MCEE: variants seen among roughly 807,000 people sequenced by gnomAD.
MCEE encodes the protein methylmalonyl-CoA epimerase, mitochondrial.
Under a neutral mutation model 12.9 loss-of-function variants are expected in MCEE, and 6 were observed. The ratio of observed to expected loss-of-function variants is 0.47; its 90% CI spans 0.26 to 0.92. The LOEUF is 0.92. Ranked by LOEUF, MCEE falls within the 40% of genes least tolerant of loss-of-function variation. The probability of loss-of-function intolerance (pLI) is 0.16; values close to 1 mark genes in which losing one functional copy is unlikely to be tolerated. For missense variants in MCEE, 214 were observed against 212.1 expected (o/e 1.01, Z -0.05); for synonymous variants, 78 against 77.9 (o/e 1.00, Z -0.01).
rs979148195 is a variant in MCEE, at chr2:71,119,998, C to A, written c.378+4208G>T. The stretch of plus-strand genomic sequence containing the variant: ...AGCTCAGGAGTTCCAGGTTGCAGTG[C>A]GTAATGATTGTGCCACTGCACTCCA... On this transcript the variant is annotated intron_variant, in intron 2 of 2. Transcript: ENST00000244217. 4.7e-5 allele frequency among the ~76,000 whole-genome samples: 7 copies of A among 149,308 alleles called. 2 individuals carry two copies. The highest frequency in any genetic ancestry group is 1.9e-4 in the East Asian group (1 of 5,168).
chr2:71,120,592 T>G (rs1185374665), intron 2 of MCEE, among the ~76,000 whole-genome samples: 1 of 150,444 alleles, frequency 6.6e-6, no homozygotes, highest in African/African-American at 2.5e-5. Context: ...AAGGAACATT[T>G]CGTCAAGTGA....
At chr2:71,112,168 A>G (rs1672898251) in intron 2 of MCEE, among the ~76,000 whole-genome samples, 1 of 152,016 alleles carries the variant, frequency 6.6e-6, no homozygotes, top group South Asian at 2.1e-4. Flanking sequence ...ACAGAGTCTC[A>G]CTCTGTCACC....
intron 2 of MCEE, among the ~76,000 whole-genome samples, chr2:71,118,652 A>C (rs1673041461): frequency 6.7e-6 from 1 of 149,786 alleles, no homozygotes; most frequent in East Asian, 1.9e-4. Context: ...CTCTTTTATA[A>C]GGACACTAAT....
At chr2:71,113,835 A>C (rs1034968195) in intron 2 of MCEE, among the ~76,000 whole-genome samples, 2 of 152,190 alleles carry the variant, frequency 1.3e-5, no homozygotes, top group Non-Finnish European at 2.9e-5. Context: ...AAACCTGACA[A>C]CACCTCCTCA....
intron 2 of MCEE, among the ~76,000 whole-genome samples, chr2:71,111,498 A>G (rs1395551784): frequency 6.6e-6 from 1 of 152,096 alleles, no homozygotes; most frequent in Non-Finnish European, 1.5e-5. Context: ...ACTCTTCCCA[A>G]TGTTACGGAA....
At position 71,124,509 on chromosome 2, in the gene MCEE, T is replaced by G. The variant is rs1186227204; in HGVS notation, c.75A>C (p.Thr25=). ...GCTGTGATGTGGAAGAAGCTCTTAC[T>G]GTTGGAATGGGAGCTTGAAGTCTGG... ...LFSRLQAPIP[T]VRASSTSQPL... is the part of the protein sequence containing the mutation. The change falls in exon 2 of 3, where the codon ACA becomes ACC. Residue 25 remains threonine, a synonymous_variant. Transcript: ENST00000244217. The G allele has an allele frequency of 6.2e-7, 1 of 1,613,946 alleles. No homozygotes were observed. The highest frequency in any genetic ancestry group is 8.5e-7 in the Non-Finnish European group (1 of 1,180,036).
At chr2:71,111,516 T>C (rs1379652255) in intron 2 of MCEE, among the ~76,000 whole-genome samples, 2 of 152,216 alleles carry the variant, frequency 1.3e-5, no homozygotes, top group South Asian at 2.1e-4. Context: ...GAAATTACTA[T>C]GACTAGTAAG....
chr2:71,119,502 A>G (rs2103628750), intron 2 of MCEE, among the ~76,000 whole-genome samples: 1 of 149,984 alleles, frequency 6.7e-6, no homozygotes, highest in Admixed American at 6.6e-5. Flanking sequence ...ATCATCCCTT[A>G]TATTTCCTCT....
intron 2 of MCEE, among the ~76,000 whole-genome samples, chr2:71,115,433 TTC>T (rs1672972223): frequency 7.1e-6 from 1 of 140,634 alleles, no homozygotes; most frequent in South Asian, 2.1e-4. Flanking sequence ...CTACTTCTAC[TTC>T]TGTTACTATT....
At chr2:71,115,974 G>T (rs1347992799) in intron 2 of MCEE, among the ~76,000 whole-genome samples, 1 of 150,084 alleles carries the variant, frequency 6.7e-6, no homozygotes, top group Non-Finnish European at 1.5e-5. Flanking sequence ...TTAAAAAAGG[G>T]GGGGGTTATG....
intron 2 of MCEE, chr2:71,110,834 AAAGTC>A (rs1316107621): frequency 6.6e-6 from 1 of 152,176 alleles, no homozygotes; most frequent in Non-Finnish European, 1.5e-5. Context: ...TCTATCTTGG[AAAGTC>A]ACCCACTTAG....
chr2:71,113,205 T>C (rs1233064183), intron 2 of MCEE, among the ~76,000 whole-genome samples: 5 of 152,210 alleles, frequency 3.3e-5, no homozygotes, highest in Non-Finnish European at 7.3e-5. Flanking sequence ...GGATTAGAGC[T>C]GGAGACGTCA....
intron 2 of MCEE, among the ~76,000 whole-genome samples, chr2:71,113,772 C>T (rs1235014148): frequency 6.6e-6 from 1 of 152,114 alleles, no homozygotes; most frequent in Non-Finnish European, 1.5e-5. Flanking sequence ...TAATGACTTC[C>T]TTCCAAAAGA....
At chr2:71,110,164 A>G (rs1672859415) in intron 2 of MCEE, 42 bp from the exon 3 acceptor site, 1 of 1,568,774 alleles carries the variant, frequency 6.4e-7, no homozygotes, top group African/African-American at 1.4e-5. Flanking sequence ...GAGATCATAA[A>G]AATACCAACT....
intron 2 of MCEE, among the ~76,000 whole-genome samples, chr2:71,112,135 G>A (rs982762880): frequency 2.6e-5 from 4 of 151,938 alleles, no homozygotes; most frequent in Admixed American, 6.6e-5. Flanking sequence ...GGTGTGCTTA[G>A]GTGTGGTTTT....
At chr2:71,115,759 T>C (rs1476367844) in intron 2 of MCEE, among the ~76,000 whole-genome samples, 4 of 127,688 alleles carry the variant, frequency 3.1e-5, no homozygotes, top group South Asian at 2.3e-4. Flanking sequence ...AAGTGGGAGT[T>C]GAAGAATGAG....
chr2:71,124,449 C>G lies in MCEE; in HGVS notation c.135G>C (p.Leu45=), dbSNP rs772949284. The change falls in exon 2 of 3, where the codon CTG becomes CTC. Residue 45 remains leucine, a synonymous_variant. Coordinates refer to ENST00000244217, the MANE Select transcript of MCEE (RefSeq NM_032601.4). ...CTATGGCTACATGGTTGAGTCGACC[C>G]AGGTTCCACACAGAACCTGTCACTT... ...LDQVTGSVWN[L]GRLNHVAIAV... The G allele has an allele frequency of 6.2e-7, 1 of 1,614,174 alleles. No individual in the cohort carries two copies. The highest frequency in any genetic ancestry group is 1.3e-5 in the African/African-American group (1 of 75,052).
At chr2:71,110,807 C>T (rs748534740) in intron 2 of MCEE, 15 of 152,102 alleles carry the variant, frequency 9.9e-5, no homozygotes, top group Non-Finnish European at 1.8e-4. Flanking sequence ...CTATACTTGA[C>T]GGAGAAATGA....
chr2:71,122,226 T>C (rs1226178100), intron 2 of MCEE, among the ~76,000 whole-genome samples: 1 of 152,188 alleles, frequency 6.6e-6, no homozygotes, highest in Non-Finnish European at 1.5e-5. Flanking sequence ...CAGCACTTCC[T>C]GGGCTCAAGT....
Sources: gnomAD v4.1 joint callset for allele counts (sites outside exome capture counted in the v4.1 genomes callset) on GRCh38, gnomAD v4.1.1 for gene constraint, MANE v1.5 for transcripts, NCBI Gene and HGNC (gene_info 2026-07-23, HGNC 2026-07-21) for gene names.